The following SBNO1 variants were observed in gnomAD, a reference collection of about 807,000 sequenced individuals.
The protein encoded by SBNO1 is protein strawberry notch homolog 1.
In SBNO1, 23 loss-of-function variants were observed where a neutral mutation model predicts 173.6. The observed-to-expected ratio is 0.13, with a 90% confidence interval of 0.10 to 0.19. The LOEUF (loss-of-function observed/expected upper bound fraction) is 0.19, where lower values mean the gene tolerates loss of function less well. Among genes scored for constraint, SBNO1 ranks in the 10% least tolerant of loss-of-function variants. SBNO1 has a pLI of 1.00. For missense variants in SBNO1, 1,238 were observed against 1,671.2 expected (o/e 0.74, Z 4.52); for synonymous variants, 632 against 571.5 (o/e 1.11, Z -1.51).
chr12:123,322,564 T>G (rs1167728599), intron 16 of SBNO1, among the ~76,000 whole-genome samples: 1 of 150,592 alleles, frequency 6.6e-6, no homozygotes, highest in African/African-American at 2.4e-5. Flanking sequence ...CCCAAAAAGC[T>G]GGGATTACAG....
intron 1 of SBNO1, among the ~76,000 whole-genome samples, chr12:123,358,054 T>A (rs1488284108): frequency 6.6e-6 from 1 of 152,190 alleles, no homozygotes; most frequent in Non-Finnish European, 1.5e-5. Flanking sequence ...GAACCAGAAG[T>A]GACTCAGGGT....
chr12:123,351,213 C>T (rs1188275136), intron 1 of SBNO1, among the ~76,000 whole-genome samples: 1 of 152,122 alleles, frequency 6.6e-6, no homozygotes, highest in Non-Finnish European at 1.5e-5. Context: ...AGGCAGGAAA[C>T]GGCAAGAGGT....
At chr12:123,357,883 T>C (rs924572208) in intron 1 of SBNO1, among the ~76,000 whole-genome samples, 1 of 152,212 alleles carries the variant, frequency 6.6e-6, no homozygotes, top group Non-Finnish European at 1.5e-5. Flanking sequence ...CAAAGGAATG[T>C]GCAAATTATA....
intron 13 of SBNO1, among the ~76,000 whole-genome samples, 170 bp from the exon 14 acceptor site, chr12:123,326,504 A>G (rs1227918559): frequency 6.6e-6 from 1 of 152,234 alleles, no homozygotes; most frequent in Non-Finnish European, 1.5e-5. Flanking sequence ...AGTTGTCTCA[A>G]GTTTCTTATT....
At chr12:123,364,496 T>G in intron 1 of SBNO1, 6 of 982,380 alleles carry the variant, frequency 6.1e-6, no homozygotes, top group Non-Finnish European at 7.2e-6. Context: ...AGGAAGCGAG[T>G]ACAACGGAGC....
rs1229817519 is a variant in SBNO1, at chr12:123,334,201, A to G, written c.761T>C (p.Leu254Pro). 6.4e-7 allele frequency: 1 copy of G among 1,569,402 alleles called. No homozygotes were observed. Among genetic ancestry groups the G allele is most frequent in the Non-Finnish European group, 8.6e-7 (1 of 1,163,382 alleles). The change falls in exon 7 of 32, where the codon CTA (leucine) becomes CCA (proline). Residue 254 changes from leucine to proline, a missense_variant. Leu to Pro is a moderately conservative substitution (Grantham distance 98). Coordinates refer to ENST00000602398, the MANE Select transcript of SBNO1 (RefSeq NM_001167856.3). Reference sequence around the variant, plus strand: ...TTCCACTACAGCATCTGGATGACGTAGGCCAATTTTTACTAAACAAAAATG... The same window carrying G: ...TTCCACTACAGCATCTGGATGACGTGGGCCAATTTTTACTAAACAAAAATG... ...EYMPIKLKIG[L>P]RHPDAVVETS...
intron 19 of SBNO1, 47 bp from the exon 20 acceptor site, chr12:123,320,078 T>A: frequency 1.2e-6 from 2 of 1,607,398 alleles, no homozygotes; most frequent in Non-Finnish European, 1.7e-6. Context: ...CTGACTGCGG[T>A]GGATGGACTC....
intron 1 of SBNO1, chr12:123,363,998 C>A: frequency 2.0e-6 from 2 of 985,482 alleles, no homozygotes; most frequent in Non-Finnish European, 2.4e-6. Flanking sequence ...TTATGCCAAA[C>A]GCTCTCAAAG....
At chr12:123,324,801 TATTTTA>T (rs1241126189) in intron 15 of SBNO1, among the ~76,000 whole-genome samples, 1 of 151,772 alleles carries the variant, frequency 6.6e-6, no homozygotes, top group East Asian at 1.9e-4. Flanking sequence ...AAGTAGACTT[TATTTTA>T]TTTTATTTTT....
At chr12:123,352,434 G>A (rs1442854654) in intron 1 of SBNO1, among the ~76,000 whole-genome samples, 1 of 151,698 alleles carries the variant, frequency 6.6e-6, no homozygotes, top group Non-Finnish European at 1.5e-5. Context: ...ACCCTCCCAA[G>A]TAGCGCCCAC....
chr12:123,302,406 T>A (rs1272008238), intron 30 of SBNO1, among the ~76,000 whole-genome samples: 1 of 151,928 alleles, frequency 6.6e-6, no homozygotes, highest in East Asian at 1.9e-4. Context: ...TCACACCGGC[T>A]AATTGTTTTG....
chr12:123,301,114 T>C (rs926422577), intron 30 of SBNO1, among the ~76,000 whole-genome samples: 12 of 151,850 alleles, frequency 7.9e-5, no homozygotes, highest in Non-Finnish European at 5.9e-5. Flanking sequence ...CTCAAGCGAT[T>C]CTCATGCCTC....
chr12:123,345,454 G>A lies in SBNO1; in HGVS notation c.354C>T (p.Ile118=). ...TAGTCTGGATAAACTTAGTTAAAGT[G>A]ATGGTTTGCCTGTTGGTTGTTACAG... The part of the protein sequence containing the change: ...TPPVTTNRQT[I]TLTKFIQTTA... The change falls in exon 4 of 32, where the codon ATC becomes ATT. Residue 118 remains isoleucine, a synonymous_variant. Coordinates refer to ENST00000602398, the MANE Select transcript of SBNO1 (RefSeq NM_001167856.3). 1 of 1,614,182 alleles carries A rather than the reference G, an allele frequency of 6.2e-7. No individual in the cohort carries two copies. The highest frequency in any genetic ancestry group is 8.5e-7 in the Non-Finnish European group (1 of 1,180,034).
At chr12:123,298,195 C>T in intron 30 of SBNO1, 24 bp from the exon 31 acceptor site, 2 of 1,602,066 alleles carry the variant, frequency 1.2e-6, no homozygotes, top group Non-Finnish European at 1.7e-6. Context: ...GAAAGAAATA[C>T]ATATGAGTGT....
chr12:123,340,114 T>G (rs1872347083), intron 5 of SBNO1, among the ~76,000 whole-genome samples: 1 of 152,208 alleles, frequency 6.6e-6, no homozygotes, highest in Non-Finnish European at 1.5e-5. Context: ...CTTTTCATTA[T>G]TACTACTTAA....
intron 16 of SBNO1, 91 bp downstream of exon 16, chr12:123,323,589 C>T (rs1001012852): frequency 4.8e-6 from 4 of 829,466 alleles, no homozygotes; most frequent in South Asian, 2.0e-5. Flanking sequence ...CTCCTGACCT[C>T]GTGATCTGCC....
Position 123,295,728 on chromosome 12 carries a change from C to T in SBNO1, c.*180G>A. ...AAAGGAAAGACATATGTACCACCAT[C>T]AGCACTGCTGATTTTCAGTTTTGCT... On this transcript the variant is annotated 3_prime_UTR_variant, in exon 32 of 32. Coordinates refer to ENST00000602398, the MANE Select transcript of SBNO1 (RefSeq NM_001167856.3). The T allele has an allele frequency of 2.9e-6, 2 of 694,746 alleles. No homozygotes were observed. The highest frequency in any genetic ancestry group is 5.0e-5 in the East Asian group (2 of 39,982). 43.0% of individuals were successfully genotyped at this position (694,746 alleles called of 1,614,324 possible). A position where few individuals can be genotyped will look rare whatever the true frequency, so the allele number is the denominator to read the frequency against.
intron 25 of SBNO1, among the ~76,000 whole-genome samples, chr12:123,310,590 A>AGTG (rs1362334523): frequency 3.3e-5 from 5 of 150,670 alleles, no homozygotes; most frequent in Non-Finnish European, 7.4e-5. Context: ...GTTGGAGTGC[A>AGTG]GTGGTGCAAT....
At chr12:123,304,380 A>G (rs1286597987) in intron 29 of SBNO1, 3 of 404,516 alleles carry the variant, frequency 7.4e-6, no homozygotes, top group African/African-American at 6.2e-5. Context: ...AATTACAGGT[A>G]TGCATCACCA....
Sources: gnomAD v4.1 joint callset for allele counts (sites outside exome capture counted in the v4.1 genomes callset) on GRCh38, gnomAD v4.1.1 for gene constraint, MANE v1.5 for transcripts, NCBI Gene and HGNC (gene_info 2026-07-23, HGNC 2026-07-21) for gene names.